Variants in TAF3 observed in about 807,000 individuals in gnomAD.
TAF3 encodes the protein TATA-box binding protein associated factor 3, also known as transcription initiation factor TFIID subunit 3.
TAF3 carries 7 observed loss-of-function variants against 80.6 expected under a neutral mutation model. The ratio of observed to expected loss-of-function variants is 0.09; its 90% CI spans 0.05 to 0.16. The LOEUF (loss-of-function observed/expected upper bound fraction) is 0.16, where lower values mean the gene tolerates loss of function less well. Ranked by LOEUF, TAF3 falls within the 10% of genes least tolerant of loss-of-function variation. The pLI is 1.00. For synonymous variants in TAF3, 444 were observed against 446.1 expected (o/e 1.00, Z 0.06); for missense variants, 921 against 1,140.2 (o/e 0.81, Z 2.77).
chr10:7,997,722 G>A (rs1831902761), intron 4 of TAF3, among the ~76,000 whole-genome samples: 1 of 152,194 alleles, frequency 6.6e-6, no homozygotes, highest in South Asian at 2.1e-4. Context: ...TGGTTTCTCT[G>A]TGAGACATTG....
At chr10:7,838,683 A>G (rs1312393799) in intron 2 of TAF3, among the ~76,000 whole-genome samples, 1 of 152,124 alleles carries the variant, frequency 6.6e-6, no homozygotes, top group Non-Finnish European at 1.5e-5. Flanking sequence ...TGCCTGGCCA[A>G]GCTGGTTTTC....
chr10:7,996,581 G>A (rs956724623), intron 4 of TAF3, among the ~76,000 whole-genome samples: 5 of 152,064 alleles, frequency 3.3e-5, no homozygotes, highest in African/African-American at 9.7e-5. Context: ...CCAGATATGA[G>A]GTTTTATAGT....
chr10:7,878,924 C>G (rs1837334707), intron 2 of TAF3, among the ~76,000 whole-genome samples: 2 of 151,994 alleles, frequency 1.3e-5, no homozygotes, highest in Admixed American at 1.3e-4. Context: ...GACAGGGTTT[C>G]CCTATGTTGG....
chr10:7,960,606 G>A (rs1203306366), intron 2 of TAF3, among the ~76,000 whole-genome samples: 1 of 152,174 alleles, frequency 6.6e-6, no homozygotes, highest in African/African-American at 2.4e-5. Flanking sequence ...CCACATATTT[G>A]GGGATTGCAG....
chr10:7,825,932 C>T (rs1836736118), intron 2 of TAF3, among the ~76,000 whole-genome samples: 1 of 152,176 alleles, frequency 6.6e-6, no homozygotes, highest in Non-Finnish European at 1.5e-5. Flanking sequence ...CACTGTTTTC[C>T]ACAGTGGCTG....
intron 3 of TAF3, 101 bp downstream of exon 3, chr10:7,965,843 C>T: frequency 7.3e-7 from 1 of 1,375,530 alleles, no homozygotes; most frequent in East Asian, 2.6e-5. Context: ...GTGTAAATCA[C>T]CCATCACTTA....
intron 2 of TAF3, among the ~76,000 whole-genome samples, chr10:7,953,875 AC>A (rs1838108307): frequency 6.8e-6 from 1 of 146,152 alleles, no homozygotes; most frequent in Non-Finnish European, 1.5e-5. Flanking sequence ...CCTAGTTAAC[AC>A]AGAGCTCTCC....
chr10:7,862,898 C>G (rs1166075640), intron 2 of TAF3, among the ~76,000 whole-genome samples: 1 of 152,062 alleles, frequency 6.6e-6, no homozygotes, highest in Admixed American at 6.5e-5. Context: ...GAGTATTGTT[C>G]CATTACGTGT....
intron 3 of TAF3, among the ~76,000 whole-genome samples, chr10:7,974,296 A>T (rs1237246822): frequency 6.6e-6 from 1 of 152,158 alleles, no homozygotes; most frequent in Admixed American, 6.5e-5. Context: ...AATGAAGGAG[A>T]CATCAGCCAA....
intron 2 of TAF3, among the ~76,000 whole-genome samples, chr10:7,855,722 G>C (rs904250903): frequency 5.9e-5 from 9 of 152,126 alleles, no homozygotes; most frequent in African/African-American, 2.2e-4. Flanking sequence ...CATCTGATAT[G>C]AAAGGGAGCA....
intron 3 of TAF3, among the ~76,000 whole-genome samples, chr10:7,966,217 G>A (rs539187447): frequency 1.8e-4 from 27 of 152,298 alleles, no homozygotes; most frequent in East Asian, 1.9e-4. Context: ...TTTTTGGTGC[G>A]CCATTTTGGC....
chr10:7,933,400 T>C (rs1837887653), intron 2 of TAF3, among the ~76,000 whole-genome samples: 1 of 152,204 alleles, frequency 6.6e-6, no homozygotes, highest in South Asian at 2.1e-4. Flanking sequence ...AAATATCCAG[T>C]GTGGAGCCAA....
chr10:7,940,886 G>A (rs1298254399), intron 2 of TAF3, among the ~76,000 whole-genome samples: 2 of 151,602 alleles, frequency 1.3e-5, no homozygotes, highest in Non-Finnish European at 2.9e-5. Flanking sequence ...TTGGACCCAG[G>A]AGTTTGAGGC....
chr10:7,913,418 CT>C (rs1837676145), intron 2 of TAF3, among the ~76,000 whole-genome samples: 2 of 152,220 alleles, frequency 1.3e-5, no homozygotes, highest in African/African-American at 4.8e-5. Context: ...ACTTTGCAGC[CT>C]TTTTCTATGC....
chr10:7,875,939 A>T (rs978848177), intron 2 of TAF3, among the ~76,000 whole-genome samples: 1 of 151,988 alleles, frequency 6.6e-6, no homozygotes, highest in Non-Finnish European at 1.5e-5. Context: ...TGAACTCCAA[A>T]CAAGTGATAG....
intron 2 of TAF3, chr10:7,833,856 T>G (rs1836825001): frequency 1.2e-6 from 1 of 819,290 alleles, no homozygotes; most frequent in African/African-American, 1.8e-5. Flanking sequence ...GACCGAGGGC[T>G]TCCTGGGGAA....
rs1388089669 is a variant in TAF3 at position 8,015,330 on chromosome 10, A to G, written c.*579A>G. The G allele has an allele frequency of 6.6e-6, 1 of 152,152 alleles. No individual in the cohort carries two copies. Among genetic ancestry groups the G allele is most frequent in the Non-Finnish European group, 1.5e-5 (1 of 68,048 alleles). The allele number at this position is 152,152 out of a possible 1,614,324, so 9.4% of individuals were successfully genotyped here. ...TGTTCAGGCTTTTGTGAAATACCTT[A>G]TATTTTTTAAGAAAAAGGTTTCTAT... is the stretch of plus-strand genomic sequence containing the variant. On this transcript the variant is annotated 3_prime_UTR_variant, in exon 7 of 7. Coordinates refer to ENST00000344293, the MANE Select transcript of TAF3 (RefSeq NM_031923.4).
At chr10:7,928,308 T>G (rs114581772) in intron 2 of TAF3, among the ~76,000 whole-genome samples, 70 of 152,310 alleles carry the variant, frequency 4.6e-4, no homozygotes, top group African/African-American at 1.6e-3. Flanking sequence ...AGGAAGTACT[T>G]AAGTATTTTT....
At chr10:7,845,998 A>G (rs1244489) in intron 2 of TAF3, among the ~76,000 whole-genome samples, 1,394 of 137,696 alleles carry the variant, frequency 0.01, 20 homozygotes, top group African/African-American at 0.035. Context: ...CTCGCCTGTC[A>G]CCCAGGCTGG....
Sources: allele counts gnomAD v4.1 joint callset (sites outside exome capture counted in the v4.1 genomes callset), GRCh38; gene constraint gnomAD v4.1.1; transcripts MANE v1.5; gene names NCBI Gene and HGNC (gene_info 2026-07-23, HGNC 2026-07-21).